The following TNFRSF21 variants were observed in gnomAD, a reference collection of about 807,000 sequenced individuals.
The protein encoded by TNFRSF21 is tumor necrosis factor receptor superfamily member 21.
TNFRSF21 carries 19 observed loss-of-function variants against 45.6 expected under a neutral mutation model. The observed-to-expected ratio is 0.42, with a 90% CI of 0.29 to 0.61. TNFRSF21 has a LOEUF of 0.61. Ranked by LOEUF, TNFRSF21 falls within the 20% of genes least tolerant of loss-of-function variation. The pLI is 0.23. For synonymous variants in TNFRSF21, 314 were observed against 335.5 expected (o/e 0.94, Z 0.70); for missense variants, 737 against 851.5 (o/e 0.87, Z 1.67).
intron 3 of TNFRSF21, among the ~76,000 whole-genome samples, chr6:47,257,646 G>C (rs1200941281): frequency 6.6e-6 from 1 of 152,198 alleles, no homozygotes; most frequent in Non-Finnish European, 1.5e-5. Flanking sequence ...GGAGGGGGAA[G>C]GAGCACAGAA....
At chr6:47,250,563 A>T (rs990573192) in intron 4 of TNFRSF21, among the ~76,000 whole-genome samples, 1 of 152,256 alleles carries the variant, frequency 6.6e-6, no homozygotes, top group African/African-American at 2.4e-5. Flanking sequence ...TTAGTGGAAC[A>T]TAACATAGGC....
chr6:47,261,154 A>G (rs1310987566), intron 3 of TNFRSF21, among the ~76,000 whole-genome samples: 1 of 152,204 alleles, frequency 6.6e-6, no homozygotes, highest in Non-Finnish European at 1.5e-5. Context: ...CCATAACCTT[A>G]CAAGCTGCAG....
chr6:47,288,748 C>A (rs1762682592), intron 1 of TNFRSF21, among the ~76,000 whole-genome samples: 1 of 152,200 alleles, frequency 6.6e-6, no homozygotes, highest in African/African-American at 2.4e-5. Context: ...ACCTGACAGT[C>A]ATGGCCTGAT....
intron 3 of TNFRSF21, among the ~76,000 whole-genome samples, chr6:47,266,443 T>C (rs937543227): frequency 6.6e-6 from 1 of 152,112 alleles, no homozygotes; most frequent in Non-Finnish European, 1.5e-5. Context: ...GAGTAGTACA[T>C]TGTGGATAAG....
At chr6:47,266,223 TG>T (rs768697655) in intron 3 of TNFRSF21, among the ~76,000 whole-genome samples, 16 of 152,314 alleles carry the variant, frequency 1.1e-4, no homozygotes, top group Non-Finnish European at 1.8e-4. Context: ...AGATGGGTTT[TG>T]TTCACGACCC....
intron 3 of TNFRSF21, among the ~76,000 whole-genome samples, chr6:47,277,388 G>A (rs1182552225): frequency 6.6e-6 from 1 of 152,200 alleles, no homozygotes; most frequent in African/African-American, 2.4e-5. Flanking sequence ...AGAGAGGAAG[G>A]AGGTGATGAT....
At chr6:47,284,731 G>A (rs764553068) in intron 2 of TNFRSF21, among the ~76,000 whole-genome samples, 4 of 152,194 alleles carry the variant, frequency 2.6e-5, no homozygotes, top group Non-Finnish European at 5.9e-5. Context: ...TATTGAGCAG[G>A]CACATATATG....
intron 3 of TNFRSF21, among the ~76,000 whole-genome samples, chr6:47,280,574 G>A (rs1278212990): frequency 1.3e-5 from 2 of 152,202 alleles, no homozygotes; most frequent in African/African-American, 2.4e-5. Flanking sequence ...TGAAACTACT[G>A]TAATTTAGTT....
At position 47,286,050 on chromosome 6, in the gene TNFRSF21, G is replaced by C. The variant is rs1762643368; in HGVS notation, c.642C>G (p.Leu214=). Residue 214 remains leucine (L), a synonymous_variant, in exon 2 of 6, where the codon CTC becomes CTG. Transcript: ENST00000296861. The stretch of plus-strand genomic sequence containing the variant: ...GTGAGGTGGAGCTGGAGAAGGACGG[G>C]AGTGTGCCACAGACGTTGTCTGTCT... The part of the protein sequence containing the change: ...TKETDNVCGT[L]PSFSSSTSPS... The C allele has an allele frequency of 6.2e-7, 1 of 1,614,216 alleles. No homozygotes were observed. Among genetic ancestry groups the C allele is most frequent in the Non-Finnish European group, 8.5e-7 (1 of 1,180,042 alleles).
At chr6:47,275,996 C>CAAA (rs1762491349) in intron 3 of TNFRSF21, among the ~76,000 whole-genome samples, 1 of 152,190 alleles carries the variant, frequency 6.6e-6, no homozygotes, top group African/African-American at 2.4e-5. Context: ...GATAAATTGT[C>CAAA]ACACTGATCA....
chr6:47,235,657 T>C (rs145370930), intron 4 of TNFRSF21, among the ~76,000 whole-genome samples: 166 of 152,322 alleles, frequency 1.1e-3, no homozygotes, highest in Non-Finnish European at 1.7e-3. Flanking sequence ...GAAGTGACTT[T>C]CTTAACTAAG....
intron 3 of TNFRSF21, among the ~76,000 whole-genome samples, chr6:47,264,454 G>A (rs1273458643): frequency 6.6e-6 from 1 of 150,870 alleles, no homozygotes; most frequent in East Asian, 1.9e-4. Flanking sequence ...GGCAGAGGTT[G>A]CAGTGAGCTG....
In TNFRSF21 at chr6:47,286,101, C is replaced by A. The variant is rs775243891; in HGVS notation, c.591G>T (p.Leu197=). ...KAYTDCLSQN[L]VVIKPGTKET... ...CCTTGGTCCCCGGCTTGATCACCACCAGGTTCTGACTCAGACAGTCTGTGT... is the reference window on the plus strand; with the variant it reads ...CCTTGGTCCCCGGCTTGATCACCACAAGGTTCTGACTCAGACAGTCTGTGT... The change falls in exon 2 of 6, where the codon CTG becomes CTT. Residue 197 remains leucine, a synonymous_variant. Transcript: ENST00000296861. The A allele has an allele frequency of 2.5e-5, 41 of 1,614,086 alleles. No homozygotes were observed. Among genetic ancestry groups the A allele is most frequent in the Middle Eastern group, 1.6e-4 (1 of 6,084 alleles).
chr6:47,287,830 A>T (rs1267441376), intron 1 of TNFRSF21, among the ~76,000 whole-genome samples: 2 of 152,276 alleles, frequency 1.3e-5, no homozygotes, highest in African/African-American at 4.8e-5. Context: ...GGAAATGCAT[A>T]TTAAAACCAT....
chr6:47,289,116 C>T (rs1258523820), intron 1 of TNFRSF21, among the ~76,000 whole-genome samples: 1 of 152,230 alleles, frequency 6.6e-6, no homozygotes, highest in Admixed American at 6.5e-5. Context: ...ACAGTTTTCA[C>T]TATCCTTTAT....
chr6:47,294,748 C>T (rs547565989), intron 1 of TNFRSF21, among the ~76,000 whole-genome samples: 2 of 151,986 alleles, frequency 1.3e-5, no homozygotes, highest in East Asian at 3.9e-4. Flanking sequence ...CCAGGCTGAT[C>T]TCAAACTCCT....
intron 1 of TNFRSF21, among the ~76,000 whole-genome samples, chr6:47,301,919 T>C (rs1762869500): frequency 6.6e-6 from 1 of 152,158 alleles, no homozygotes; most frequent in Non-Finnish European, 1.5e-5. Flanking sequence ...TCTGGGGACC[T>C]GTTACCATTT....
chr6:47,277,419 T>A (rs954861675), intron 3 of TNFRSF21, among the ~76,000 whole-genome samples: 11 of 152,214 alleles, frequency 7.2e-5, no homozygotes, highest in African/African-American at 2.4e-4. Flanking sequence ...AGGATGATGA[T>A]GATCCATCCT....
intron 3 of TNFRSF21, among the ~76,000 whole-genome samples, chr6:47,268,927 T>C (rs1762374161): frequency 6.6e-6 from 1 of 152,190 alleles, no homozygotes; most frequent in African/African-American, 2.4e-5. Flanking sequence ...GTGTGTTTTC[T>C]CATTCAAGAA....
Sources: allele counts gnomAD v4.1 joint callset (sites outside exome capture counted in the v4.1 genomes callset), GRCh38; gene constraint gnomAD v4.1.1; transcripts MANE v1.5; gene names NCBI Gene and HGNC (gene_info 2026-07-23, HGNC 2026-07-21).